The following CERS4 variants were observed in gnomAD, a reference collection of about 807,000 sequenced individuals.
The protein encoded by CERS4 is LAG1 homolog, ceramide synthase 4.
A neutral mutation model predicts 51.8 loss-of-function variants in CERS4; 65 were observed. That is an observed-to-expected ratio of 1.26 (90% CI 1.03 to 1.54). CERS4 has a LOEUF of 1.54. Ranked by LOEUF, CERS4 falls within the 40% of genes most tolerant of loss-of-function variation. CERS4 has a pLI of 0.00. For missense variants in CERS4, 563 were observed against 500.4 expected (o/e 1.13, Z -1.19); for synonymous variants, 228 against 208.4 (o/e 1.09, Z -0.81).
intron 9 of CERS4, 59 bp downstream of exon 9, chr19:8,257,136 CCA>C: frequency 1.3e-6 from 2 of 1,516,412 alleles, no homozygotes; most frequent in Non-Finnish European, 1.8e-6. Context: ...CCCAGGTGCC[CCA>C]GAGATGAGGT....
intron 2 of CERS4, among the ~76,000 whole-genome samples, chr19:8,223,161 CTG>C (rs1283273715): frequency 6.6e-6 from 1 of 150,902 alleles, no homozygotes; most frequent in Admixed American, 6.6e-5. Context: ...TAGGGAAACC[CTG>C]TCTCTGCCAA....
At chr19:8,235,942 TC>T in intron 2 of CERS4, among the ~76,000 whole-genome samples, 1 of 152,124 alleles carries the variant, frequency 6.6e-6, no homozygotes, top group South Asian at 2.1e-4. Flanking sequence ...ACGCCTGTAA[TC>T]CCAGCACTTT....
rs1345667587 is a variant in CERS4, at chr19:8,220,820, T to G, written c.-2+9958T>G. 1.1e-4 allele frequency among the ~76,000 whole-genome samples: 17 copies of G among 149,918 alleles called. No individual in the cohort carries two copies. The South Asian group carries it at 2.1e-3, about 18-fold the overall frequency. On this transcript the variant is annotated intron_variant, in intron 2 of 11. Coordinates refer to ENST00000251363, the MANE Select transcript of CERS4 (RefSeq NM_024552.3). ...TCTGTTACCACTGCTGTTTTGTGTT[T>G]TTTTTTTTGTTTTTTTTTTGAGACG...
chr19:8,222,534 T>C (rs951441682), intron 2 of CERS4, among the ~76,000 whole-genome samples: 1 of 151,010 alleles, frequency 6.6e-6, no homozygotes, highest in Non-Finnish European at 1.5e-5. Context: ...GTTTTGCTCT[T>C]GTTGCCCAGG....
Position 8,237,377 on chromosome 19 carries a change from C to T in CERS4, c.-1-13699C>T, listed in dbSNP as rs370751640. On this transcript the variant is annotated intron_variant, in intron 2 of 11. Coordinates refer to ENST00000251363, the MANE Select transcript of CERS4 (RefSeq NM_024552.3). Reference sequence around the variant, plus strand: ...GACCAGCCTGGCCAACATTGTGAAACCCCATTTCCACTAAAAACACAAAAA... The same window carrying T: ...GACCAGCCTGGCCAACATTGTGAAATCCCATTTCCACTAAAAACACAAAAA... 4.3e-4 allele frequency among the ~76,000 whole-genome samples: 66 copies of T among 152,058 alleles called. No homozygotes were observed. In the South Asian group the frequency reaches 4.4e-3, roughly 10 times the overall value.
At position 8,236,471 on chromosome 19, in the gene CERS4, C is replaced by T. The variant is rs191454049; in HGVS notation, c.-1-14605C>T. Among the ~76,000 whole-genome samples, 1,502 of 151,566 alleles carry T rather than the reference C, an allele frequency of 9.9e-3. 13 individuals carry two copies. The highest frequency in any genetic ancestry group is 0.014 in the Non-Finnish European group (970 of 67,918). Reference sequence around the variant, plus strand: ...CTTTGGGAGGCCAAGGCAAGAGGAACGCTTGAGCCCAGCCTGGGCAACATG... The same window carrying T: ...CTTTGGGAGGCCAAGGCAAGAGGAATGCTTGAGCCCAGCCTGGGCAACATG... On this transcript the variant is annotated intron_variant, in intron 2 of 11. Coordinates refer to ENST00000251363, the MANE Select transcript of CERS4 (RefSeq NM_024552.3).
At chr19:8,234,623 A>T (rs559603621) in intron 2 of CERS4, among the ~76,000 whole-genome samples, 4 of 145,456 alleles carry the variant, frequency 2.7e-5, no homozygotes, top group African/African-American at 1.0e-4. Context: ...GCTTGATCTA[A>T]ACTCACTGCA....
chr19:8,244,299 T>G (rs753836314), intron 2 of CERS4, among the ~76,000 whole-genome samples: 1 of 152,164 alleles, frequency 6.6e-6, no homozygotes, highest in Non-Finnish European at 1.5e-5. Flanking sequence ...GAGGCTGCAG[T>G]GAGCTATGAT....
intron 2 of CERS4, among the ~76,000 whole-genome samples, chr19:8,241,095 G>A (rs531354985): frequency 2.6e-5 from 4 of 152,226 alleles, no homozygotes; most frequent in Non-Finnish European, 5.9e-5. Flanking sequence ...AGCTGCTGTC[G>A]TCCAGCCCAG....
intron 9 of CERS4, 126 bp downstream of exon 9, chr19:8,257,203 G>GA: frequency 2.0e-6 from 2 of 994,306 alleles, no homozygotes; most frequent in Non-Finnish European, 3.0e-6. Context: ...TGTCTTTCTC[G>GA]GGTGATGAGG....
At chr19:8,248,746 CAG>C (rs1408791845) in intron 2 of CERS4, among the ~76,000 whole-genome samples, 1 of 144,666 alleles carries the variant, frequency 6.9e-6, no homozygotes, top group African/African-American at 2.6e-5. Context: ...GGTGGATGGA[CAG>C]GTGTTTGGAT....
At chr19:8,256,198 T>C in intron 6 of CERS4, 38 bp from the exon 7 acceptor site, 2 of 1,595,766 alleles carry the variant, frequency 1.3e-6, no homozygotes, top group Non-Finnish European at 1.7e-6. Context: ...GAGGTTGGAT[T>C]CTCACCTCTG....
At chr19:8,240,350 T>C (rs62126444) in intron 2 of CERS4, 4,849 of 152,252 alleles carry the variant, frequency 0.032, 104 homozygotes, top group South Asian at 0.056. Context: ...CGGCAGCATC[T>C]CTGGTCACTA....
At chr19:8,251,489 G>A (rs1282886805) in intron 3 of CERS4, among the ~76,000 whole-genome samples, 5 of 152,202 alleles carry the variant, frequency 3.3e-5, no homozygotes, top group East Asian at 3.8e-4. Context: ...CCTGCAGCCT[G>A]CAGCTGGGTA....
chr19:8,256,402 C>T (rs1371262326), intron 7 of CERS4, 116 bp downstream of exon 7: 8 of 1,240,520 alleles, frequency 6.4e-6, no homozygotes, highest in Non-Finnish European at 9.2e-6. Flanking sequence ...CACTGAGTCC[C>T]ACGCTCTTTG....
chr19:8,253,862 A>G (rs1031027668), intron 3 of CERS4, among the ~76,000 whole-genome samples: 4 of 152,024 alleles, frequency 2.6e-5, no homozygotes, highest in Non-Finnish European at 5.9e-5. Flanking sequence ...TTCTGGGATA[A>G]CAGGCATGAG....
intron 10 of CERS4, 46 bp from the exon 11 acceptor site, chr19:8,261,642 C>T: frequency 1.2e-6 from 2 of 1,609,492 alleles, no homozygotes; most frequent in Non-Finnish European, 1.7e-6. Flanking sequence ...CTGGGGGCTA[C>T]AGCGGCTGGT....
chr19:8,244,821 A>AC (rs1446823699), intron 2 of CERS4, among the ~76,000 whole-genome samples: 3 of 148,870 alleles, frequency 2.0e-5, no homozygotes, highest in African/African-American at 7.4e-5. Context: ...GTGAGCCACC[A>AC]CCCCCGGCTG....
At chr19:8,231,349 T>A (rs1223214183) in intron 2 of CERS4, among the ~76,000 whole-genome samples, 1 of 152,160 alleles carries the variant, frequency 6.6e-6, no homozygotes, top group Non-Finnish European at 1.5e-5. Context: ...ACTATTTTTT[T>A]ATCAGGCAGT....
Sources: allele counts gnomAD v4.1 joint callset (sites outside exome capture counted in the v4.1 genomes callset), GRCh38; gene constraint gnomAD v4.1.1; transcripts MANE v1.5; gene names NCBI Gene and HGNC (gene_info 2026-07-23, HGNC 2026-07-21).